The following LRP8 variants were observed in gnomAD, a reference collection of about 807,000 sequenced individuals.
The protein encoded by LRP8 is low-density lipoprotein receptor-related protein 8.
LRP8 carries 46 observed loss-of-function variants against 111.6 expected under a neutral mutation model. The ratio of observed to expected loss-of-function variants is 0.41; its 90% CI spans 0.33 to 0.53. LRP8 has a LOEUF of 0.53. LRP8 is among the 20% of genes least tolerant of loss of function. The pLI is 0.20. For synonymous variants in LRP8, 464 were observed against 511.2 expected, an observed-to-expected ratio of 0.91 and a Z score of 1.24; for missense variants, 959 against 1,297.4, an observed-to-expected ratio of 0.74 and a Z score of 4.01.
At chr1:53,256,366 G>C (rs1411432081) in intron 15 of LRP8, among the ~76,000 whole-genome samples, 1 of 152,244 alleles carries the variant, frequency 6.6e-6, no homozygotes, top group East Asian at 1.9e-4. Context: ...ACTGGACAGT[G>C]ATATTAAAAC....
At position 53,246,696 on chromosome 1, in the gene LRP8, G is replaced by A. The variant is rs1283385149; in HGVS notation, c.*322C>T. ...ATATAGTTTTTAAATGATGAGTAAG[G>A]TACTGTGCCATTGGCCCCCATTTGG... is the stretch of plus-strand genomic sequence containing the variant. On this transcript the variant is annotated 3_prime_UTR_variant, in exon 19 of 19. Coordinates refer to ENST00000306052, the MANE Select transcript of LRP8 (RefSeq NM_004631.5). 3.1e-6 allele frequency: 1 copy of A among 325,910 alleles called. No individual in the cohort carries two copies. Among genetic ancestry groups the A allele is most frequent in the Admixed American group, 5.4e-5 (1 of 18,426 alleles). 20.2% of individuals were successfully genotyped at this position (325,910 alleles called of 1,614,324 possible). A position where few individuals can be genotyped will look rare whatever the true frequency, so the allele number is the denominator to read the frequency against.
At chr1:53,307,851 G>A (rs1246286659) in intron 2 of LRP8, among the ~76,000 whole-genome samples, 1 of 152,212 alleles carries the variant, frequency 6.6e-6, no homozygotes, top group Non-Finnish European at 1.5e-5. Flanking sequence ...AGGCCAAGGC[G>A]GGAAGCAGGA....
In LRP8 at chr1:53,249,885, G is replaced by C. The variant is rs1258668418; in HGVS notation, c.2677-329C>G. On this transcript the variant is annotated intron_variant, in intron 17 of 18. Transcript: ENST00000306052. This position sits in a 1 kb window ranked among gnomAD's most constrained non-coding sequence, Gnocchi z 4.1. ...TCTGTTCAACAAATATTTGTTGGGA[G>C]TCAGCCATGCCGTGCTAGGCATCAG... Among the ~76,000 whole-genome samples the C allele has an allele frequency of 6.6e-6, 1 of 152,184 alleles. No individual in the cohort carries two copies. Among genetic ancestry groups the C allele is most frequent in the African/African-American group, 2.4e-5 (1 of 41,426 alleles).
chr1:53,286,227 C>T (rs966178618), intron 3 of LRP8, among the ~76,000 whole-genome samples: 4 of 152,154 alleles, frequency 2.6e-5, no homozygotes, highest in Non-Finnish European at 4.4e-5. Flanking sequence ...CATGGGGCCA[C>T]CCAAGGTGCA....
At chr1:53,316,157 G>A (rs976557779) in intron 2 of LRP8, among the ~76,000 whole-genome samples, 14 of 152,304 alleles carry the variant, frequency 9.2e-5, no homozygotes, top group Admixed American at 6.5e-4. Flanking sequence ...TGTTCAGAGC[G>A]GGAGTCTGGG....
rs776512244 is a variant in LRP8 at position 53,246,108 on chromosome 1, C to T, written c.*910G>A. ...CATGGAATGTCTGTACACTGACCTT[C>T]GCCAAAGCCAAGAAAGCCCTGGTAG... On this transcript the variant is annotated 3_prime_UTR_variant, in exon 19 of 19. Transcript: ENST00000306052. 1.3e-5 allele frequency: 2 copies of T among 152,210 alleles called. No individual in the cohort carries two copies. The highest frequency in any genetic ancestry group is 2.4e-5 in the African/African-American group (1 of 41,442). The allele number at this position is 152,210 out of a possible 1,614,324, so 9.4% of individuals were successfully genotyped here.
intron 2 of LRP8, among the ~76,000 whole-genome samples, chr1:53,300,785 A>G (rs1468144758): frequency 1.3e-5 from 2 of 152,208 alleles, no homozygotes; most frequent in Admixed American, 6.5e-5. Context: ...GGGGAGTTCC[A>G]CAAAGCCCTG....
chr1:53,327,015 G>C (rs771612693), intron 1 of LRP8, 23 bp from the exon 2 acceptor site: 5 of 1,609,930 alleles, frequency 3.1e-6, no homozygotes, highest in Non-Finnish European at 4.2e-6. Context: ...GGGAGCGTGA[G>C]CTGGATCAGC....
intron 2 of LRP8, among the ~76,000 whole-genome samples, chr1:53,296,097 G>C (rs983174852): frequency 1.3e-5 from 2 of 152,184 alleles, no homozygotes; most frequent in Non-Finnish European, 2.9e-5. Context: ...CACGTCTAGA[G>C]AAAGGCCCTG....
intron 2 of LRP8, among the ~76,000 whole-genome samples, chr1:53,319,718 C>T (rs1051307513): frequency 2.0e-5 from 3 of 152,212 alleles, no homozygotes; most frequent in Non-Finnish European, 4.4e-5. Context: ...TGACATATGG[C>T]AGCTTGTGAG....
Position 53,326,991 on chromosome 1 carries a change from C to T in LRP8, c.126G>A (p.Gly42=), listed in dbSNP as rs1378681930. The T allele has an allele frequency of 6.2e-7, 1 of 1,612,800 alleles. No individual in the cohort carries two copies. The highest frequency in any genetic ancestry group is 1.7e-5 in the Admixed American group (1 of 60,010). The change falls in exon 2 of 19, where the codon GGG becomes GGA. Residue 42 remains glycine, a splice_region_variant and synonymous_variant. Transcript: ENST00000306052. ...GGTCCTTTTCGCAATCCTTGGCCGGCCCTGCGAGGGGGAGGGAGCGTGAGC... is the reference window on the plus strand; with the variant it reads ...GGTCCTTTTCGCAATCCTTGGCCGGTCCTGCGAGGGGGAGGGAGCGTGAGC... ...AAADPLLGGQ[G]PAKDCEKDQF...
chr1:53,270,114 A>G (rs893717181), intron 8 of LRP8, among the ~76,000 whole-genome samples: 1 of 152,022 alleles, frequency 6.6e-6, no homozygotes, highest in African/African-American at 2.4e-5. Flanking sequence ...TGTGTGTGTG[A>G]TGTGTATGTA....
At chr1:53,255,309 G>C in intron 15 of LRP8, 124 bp from the exon 16 acceptor site, 1 of 799,646 alleles carries the variant, frequency 1.3e-6, no homozygotes, top group Non-Finnish European at 2.1e-6. Context: ...GATCCTGGCT[G>C]TTGCCTAATA....
rs1263879612 is a variant in LRP8 at position 53,262,518 on chromosome 1, A to C, written c.1702T>G (p.Ser568Ala). ...DWGDQAKIEKSGLNGVDRQTL... is the reference protein window; with the variant it reads ...DWGDQAKIEKAGLNGVDRQTL... ...TGCCGGTCCACACCGTTGAGCCCAG[A>C]TTTCTCAATCTTGGCCTGGTCCCCC... The change falls in exon 11 of 19, where the codon TCT (serine) becomes GCT (alanine). Residue 568 changes from serine (S) to alanine (A), a missense_variant. Ser to Ala is a moderately conservative substitution (Grantham distance 99, BLOSUM62 1). This residue lies in a region of LRP8 where 819 missense variants were observed against 1,097.6 expected (regional missense o/e 0.75). Transcript: ENST00000306052. The surrounding 1 kb of genome is among the most constrained non-coding windows in gnomAD (Gnocchi z 4.8). The C allele has an allele frequency of 1.2e-6, 2 of 1,614,184 alleles. No individual in the cohort carries two copies. The highest frequency in any genetic ancestry group is 2.2e-5 in the South Asian group (2 of 91,084).
intron 14 of LRP8, 81 bp from the exon 15 acceptor site, chr1:53,257,545 C>A: frequency 9.4e-7 from 1 of 1,063,004 alleles, no homozygotes; most frequent in South Asian, 1.4e-5. Flanking sequence ...TACTTAGGAA[C>A]TTATCTTCAT....
Position 53,245,590 on chromosome 1 carries a change from C to A in LRP8, c.*1428G>T, listed in dbSNP as rs1409386522. The A allele has an allele frequency of 6.6e-6, 1 of 152,206 alleles. No homozygotes were observed. The highest frequency in any genetic ancestry group is 1.5e-5 in the Non-Finnish European group (1 of 68,038). 9.4% of individuals were successfully genotyped at this position (152,206 alleles called of 1,614,324 possible). A position where few individuals can be genotyped will look rare whatever the true frequency, so the allele number is the denominator to read the frequency against. ...ATTTACAAAGCAGTAAACCAAATTC[C>A]TGTGTGAACATAAATATCCAATATA... On this transcript the variant is annotated 3_prime_UTR_variant, in exon 19 of 19. Coordinates refer to ENST00000306052, the MANE Select transcript of LRP8 (RefSeq NM_004631.5).
chr1:53,290,353 G>A (rs1459059012), intron 2 of LRP8, among the ~76,000 whole-genome samples: 1 of 152,020 alleles, frequency 6.6e-6, no homozygotes, highest in African/African-American at 2.4e-5. Context: ...TAATCTCTGA[G>A]CCTACATTTT....
chr1:53,325,953 A>G (rs1184465359), intron 2 of LRP8, among the ~76,000 whole-genome samples: 1 of 152,148 alleles, frequency 6.6e-6, no homozygotes, highest in Non-Finnish European at 1.5e-5. Context: ...CCTGCTAACT[A>G]GCTCCCGGTC....
chr1:53,309,501 C>T (rs986613638), intron 2 of LRP8, among the ~76,000 whole-genome samples: 3 of 152,138 alleles, frequency 2.0e-5, no homozygotes, highest in African/African-American at 4.8e-5. Context: ...TGCTGTGTGA[C>T]GTTGGGGGAA....
Sources: allele counts gnomAD v4.1 joint callset (sites outside exome capture counted in the v4.1 genomes callset), GRCh38; gene constraint gnomAD v4.1.1; regional missense constraint gnomAD v4.1.1; non-coding constraint Gnocchi (gnomAD v3.1); transcripts MANE v1.5; gene names NCBI Gene and HGNC (gene_info 2026-07-23, HGNC 2026-07-21).